DDX60L: variants seen among roughly 807,000 people sequenced by gnomAD.
DDX60L encodes the protein DExD/H-box 60 like, also known as probable ATP-dependent RNA helicase DDX60-like.
DDX60L carries 191 observed loss-of-function variants against 211.6 expected under a neutral mutation model. The ratio of observed to expected loss-of-function variants is 0.90; its 90% CI spans 0.80 to 1.02. DDX60L has a LOEUF of 1.02. Ranked by LOEUF, DDX60L falls within the 50% of genes least tolerant of loss-of-function variation. The pLI is 0.00. For missense variants in DDX60L, 2,007 were observed against 1,984.1 expected (o/e 1.01, Z -0.22); for synonymous variants, 706 against 694.1 (o/e 1.02, Z -0.27).
At chr4:168,423,935 G>T (rs140102066) in intron 14 of DDX60L, among the ~76,000 whole-genome samples, 161 bp from the exon 15 acceptor site, 2 of 145,028 alleles carry the variant, frequency 1.4e-5, no homozygotes, top group African/African-American at 5.1e-5. Flanking sequence ...TAAAACTCAT[G>T]ATTAAATTAA....
chr4:168,364,565 GA>G (rs1739644363), intron 36 of DDX60L, among the ~76,000 whole-genome samples: 1 of 152,058 alleles, frequency 6.6e-6, no homozygotes, highest in Non-Finnish European at 1.5e-5. Flanking sequence ...CCTTTTTTTA[GA>G]GACAGGGTCT....
intron 5 of DDX60L, among the ~76,000 whole-genome samples, chr4:168,460,853 G>A (rs930788025): frequency 1.3e-5 from 2 of 152,134 alleles, no homozygotes; most frequent in Non-Finnish European, 2.9e-5. Flanking sequence ...CCCTCCTCAC[G>A]TTTGGTAATT....
intron 30 of DDX60L, chr4:168,380,319 T>C (rs559285115): frequency 6.5e-6 from 1 of 152,712 alleles, no homozygotes; most frequent in Non-Finnish European, 1.5e-5. Context: ...GTGTTGGAGG[T>C]GGGGCCTGAT....
rs866887258 is a variant in DDX60L, at chr4:168,392,884, C to T, written c.3811-1240G>A. On this transcript the variant is annotated intron_variant, in intron 28 of 37. Coordinates refer to ENST00000682922, the MANE Select transcript of DDX60L (RefSeq NM_001012967.3). ...AAGTGTTCCGTGTAGCAAGCTCCCA[C>T]AGTCTCAGAATAACACTTTTATAAC... Among the ~76,000 whole-genome samples, 6 of 151,362 alleles carry T rather than the reference C, an allele frequency of 4.0e-5. No homozygotes were observed. In the South Asian group the frequency reaches 8.4e-4, roughly 21 times the overall value.
intron 1 of DDX60L, among the ~76,000 whole-genome samples, chr4:168,477,956 A>G (rs1181710469): frequency 6.6e-6 from 1 of 152,184 alleles, no homozygotes; most frequent in Non-Finnish European, 1.5e-5. Context: ...GGCTGGACAC[A>G]GCGCCTCATA....
chr4:168,381,329 G>A (rs979301163), intron 30 of DDX60L, among the ~76,000 whole-genome samples: 14 of 152,108 alleles, frequency 9.2e-5, no homozygotes, highest in African/African-American at 3.1e-4. Flanking sequence ...ACAGGCTGGA[G>A]TGCAGTAGGT....
intron 36 of DDX60L, among the ~76,000 whole-genome samples, chr4:168,371,078 GATTT>G (rs34206348): frequency 0.82 from 123,875 of 150,842 alleles, 50,985 homozygotes; most frequent in African/African-American, 0.88. Flanking sequence ...TCATAAAAAA[GATTT>G]ATTTCATTAA....
chr4:168,442,126 G>A (rs1753946088), intron 9 of DDX60L, among the ~76,000 whole-genome samples: 1 of 152,064 alleles, frequency 6.6e-6, no homozygotes, highest in South Asian at 2.1e-4. Flanking sequence ...CAGACAGTGG[G>A]CACAGGTCAG....
In DDX60L at chr4:168,371,599, C is replaced by G. The variant is rs772450562; in HGVS notation, c.4928+13G>C. On this transcript the variant is annotated intron_variant, in intron 36 of 37. Coordinates refer to ENST00000682922, the MANE Select transcript of DDX60L (RefSeq NM_001012967.3). ...TATGTATATATTTTACAGAAACATA[C>G]CCATAAACTTACCCATTTTTTTGGT... The G allele has an allele frequency of 3.6e-5, 55 of 1,512,272 alleles. No individual in the cohort carries two copies. Among genetic ancestry groups the G allele is most frequent in the Non-Finnish European group, 4.4e-5 (49 of 1,114,972 alleles). The allele number at this position is 1,512,272 out of a possible 1,614,324, so 93.7% of individuals were successfully genotyped here.
intron 4 of DDX60L, among the ~76,000 whole-genome samples, chr4:168,467,892 C>G (rs7661963): frequency 6.6e-6 from 1 of 152,034 alleles, no homozygotes; most frequent in Admixed American, 6.5e-5. Context: ...ATTGGCCTGG[C>G]ACGGTGGCTC....
chr4:168,453,092 G>A, intron 8 of DDX60L, 32 bp downstream of exon 8: 1 of 1,586,160 alleles, frequency 6.3e-7, no homozygotes, highest in Non-Finnish European at 8.6e-7. Context: ...CATCTCTCAT[G>A]TTCAGACAAA....
chr4:168,441,215 G>T, intron 10 of DDX60L, 122 bp downstream of exon 10: 2 of 930,170 alleles, frequency 2.2e-6, no homozygotes, highest in Non-Finnish European at 3.2e-6. Context: ...CAATTAAGAG[G>T]TAAACAAGAA....
chr4:168,457,384 C>A (rs951655691), intron 6 of DDX60L, among the ~76,000 whole-genome samples: 1 of 150,098 alleles, frequency 6.7e-6, no homozygotes, highest in Non-Finnish European at 1.5e-5. Context: ...GATATTCTTA[C>A]TACTTTTGTG....
intron 36 of DDX60L, among the ~76,000 whole-genome samples, chr4:168,368,768 G>A (rs1338732028): frequency 2.0e-5 from 3 of 152,204 alleles, no homozygotes; most frequent in East Asian, 1.9e-4. Flanking sequence ...AGCATGGCTC[G>A]GATGCAAGAC....
intron 36 of DDX60L, among the ~76,000 whole-genome samples, chr4:168,370,905 T>C (rs1740886665): frequency 6.6e-6 from 1 of 152,052 alleles, no homozygotes; most frequent in Non-Finnish European, 1.5e-5. Flanking sequence ...ATTCTAAGTA[T>C]TCATCCTTCT....
chr4:168,469,912 T>C (rs1053968798), intron 4 of DDX60L: 3 of 152,140 alleles, frequency 2.0e-5, no homozygotes, highest in Admixed American at 2.0e-4. Flanking sequence ...TGGGAAAATA[T>C]ATTTGCAATA....
At chr4:168,461,133 AC>A (rs1246430645) in intron 5 of DDX60L, among the ~76,000 whole-genome samples, 1 of 152,154 alleles carries the variant, frequency 6.6e-6, no homozygotes, top group African/African-American at 2.4e-5. Context: ...GGTGGCTGGG[AC>A]TGAAGCTTCC....
At chr4:168,456,260 A>G in intron 6 of DDX60L, 108 bp from the exon 7 acceptor site, 1 of 505,304 alleles carries the variant, frequency 2.0e-6, no homozygotes, top group Non-Finnish European at 3.2e-6. Context: ...TATAGATTTG[A>G]CTAAACGGAA....
At chr4:168,393,641 T>C (rs1220677363) in intron 28 of DDX60L, among the ~76,000 whole-genome samples, 1 of 152,208 alleles carries the variant, frequency 6.6e-6, no homozygotes, top group African/African-American at 2.4e-5. Flanking sequence ...AGCATTTAAC[T>C]ATGAGCCATC....
Sources: allele counts gnomAD v4.1 joint callset (sites outside exome capture counted in the v4.1 genomes callset), GRCh38; gene constraint gnomAD v4.1.1; transcripts MANE v1.5; gene names NCBI Gene and HGNC (gene_info 2026-07-23, HGNC 2026-07-21).